The following TRPC5 variants were observed in gnomAD, a reference collection of about 807,000 sequenced individuals.
The protein encoded by TRPC5 is short transient receptor potential channel 5.
Under a neutral mutation model 56.5 loss-of-function variants are expected in TRPC5, and 9 were observed. The observed-to-expected ratio is 0.16, with a 90% confidence interval of 0.10 to 0.28. TRPC5 has a LOEUF of 0.28. Among genes scored for constraint, TRPC5 ranks in the 10% least tolerant of loss-of-function variants. TRPC5 has a pLI of 1.00. For missense variants in TRPC5, 469 were observed against 748.9 expected (o/e 0.63, Z 4.36); for synonymous variants, 282 against 278.5 (o/e 1.01, Z -0.13).
intron 6 of TRPC5, among the ~76,000 whole-genome samples, chrX:111,837,916 A>AG (rs1453145392): frequency 1.9e-5 from 2 of 106,195 alleles, no homozygotes; most frequent in African/African-American, 6.9e-5. Context: ...CAAAAAAAAA[A>AG]AAAAAAAAAG....
At chrX:111,831,125 C>G (rs903182692) in intron 7 of TRPC5, among the ~76,000 whole-genome samples, 2 of 112,229 alleles carry the variant, frequency 1.8e-5, no homozygotes, top group Non-Finnish European at 3.8e-5. Flanking sequence ...GGAGCAGGGT[C>G]CTAGATTCTA....
At position 111,835,025 on chromosome X, in the gene TRPC5, C is replaced by T; in HGVS notation, c.1792G>A (p.Glu598Lys). The T allele has an allele frequency of 8.3e-7, 1 of 1,210,998 alleles. No homozygotes were observed. The highest frequency in any genetic ancestry group is 1.8e-5 in the South Asian group (1 of 56,918). ...CCAAACATGGTAGCTCCTACAAACT[C>T]GGTGAATTCGTGTCTGGCTTTCACA... ...TNVKARHEFT[E>K]FVGATMFGTY... The change falls in exon 7 of 11, where the codon GAG becomes AAG. Residue 598 changes from glutamate (E) to lysine (K), a missense_variant. Transcript: ENST00000262839.
intron 1 of TRPC5, among the ~76,000 whole-genome samples, chrX:112,078,957 C>G (rs1930900103): frequency 9.0e-6 from 1 of 111,535 alleles, no homozygotes; most frequent in Non-Finnish European, 1.9e-5. Context: ...CTGGCCTTAG[C>G]TTATCCCTCA....
chrX:111,895,007 C>A (rs1924996038), intron 3 of TRPC5, among the ~76,000 whole-genome samples: 1 of 110,907 alleles, frequency 9.0e-6, no homozygotes, highest in African/African-American at 3.3e-5. Flanking sequence ...CATTCTTGTG[C>A]CTGTATCTTG....
chrX:111,802,079 A>G (rs1488731687), intron 7 of TRPC5, among the ~76,000 whole-genome samples: 1 of 111,543 alleles, frequency 9.0e-6, no homozygotes, highest in Non-Finnish European at 1.9e-5. Flanking sequence ...GCCTTACTTT[A>G]CTCTTTTGCA....
chrX:111,913,538 A>AT (rs1925882005), intron 2 of TRPC5, among the ~76,000 whole-genome samples: 2 of 111,431 alleles, frequency 1.8e-5, no homozygotes, highest in Non-Finnish European at 3.8e-5. Flanking sequence ...TAAAACTGCT[A>AT]TGTCCATGAT....
chrX:112,005,165 A>G (rs1603141476), intron 1 of TRPC5, among the ~76,000 whole-genome samples: 1 of 111,387 alleles, frequency 9.0e-6, no homozygotes. Flanking sequence ...TTGCAGGGAC[A>G]TGGATAGAGC....
intron 2 of TRPC5, among the ~76,000 whole-genome samples, chrX:111,932,789 A>G (rs929081124): frequency 3.6e-5 from 4 of 111,993 alleles, no homozygotes; most frequent in Admixed American, 2.8e-4. Context: ...CAGATTTAGT[A>G]CCGACCTAGC....
rs1332069601 is a variant in TRPC5, at chrX:111,776,697, A to C, written c.2538T>G (p.Gly846=). 1 of 1,211,621 alleles carries C rather than the reference A, an allele frequency of 8.3e-7. No individual in the cohort carries two copies. Among genetic ancestry groups the C allele is most frequent in the South Asian group, 1.8e-5 (1 of 56,949 alleles). Reference sequence around the variant, plus strand: ...GACCATTAAATTTGGAGAATAGGAGACCCAGTTTCTTGAGAGAAGGACCCA... The same window carrying C: ...GACCATTAAATTTGGAGAATAGGAGCCCCAGTTTCTTGAGAGAAGGACCCA... ...SFMGPSLKKL[G]LLFSKFNGHM... is the part of the protein sequence containing the mutation. Residue 846 remains glycine, a synonymous_variant, in exon 11 of 11, where the codon GGT becomes GGG. Coordinates refer to ENST00000262839, the MANE Select transcript of TRPC5 (RefSeq NM_012471.3).
chrX:111,783,807 G>A (rs1945939119), intron 7 of TRPC5, among the ~76,000 whole-genome samples: 3 of 110,784 alleles, frequency 2.7e-5, no homozygotes, highest in Admixed American at 9.7e-5. Flanking sequence ...TTTTTTCATA[G>A]ATTGTGCTTT....
chrX:111,937,320 T>C (rs1434953740), intron 2 of TRPC5, among the ~76,000 whole-genome samples: 1 of 102,817 alleles, frequency 9.7e-6, no homozygotes, highest in Non-Finnish European at 2.0e-5. Context: ...TGGTAGTTTC[T>C]TTTGCTGTGC....
intron 7 of TRPC5, among the ~76,000 whole-genome samples, chrX:111,831,136 G>A (rs764858937): frequency 1.1e-4 from 12 of 112,480 alleles, no homozygotes; most frequent in Non-Finnish European, 2.1e-4. Context: ...CTAGATTCTA[G>A]CAGCTGTTCC....
chrX:112,028,351 G>A (rs776923226), intron 1 of TRPC5, among the ~76,000 whole-genome samples: 6 of 110,697 alleles, frequency 5.4e-5, no homozygotes, highest in Non-Finnish European at 9.4e-5. Flanking sequence ...AGGTATACAT[G>A]TGCCATGTTG....
intron 2 of TRPC5, among the ~76,000 whole-genome samples, chrX:111,944,544 T>C (rs776014110): frequency 9.0e-6 from 1 of 111,242 alleles, no homozygotes; most frequent in African/African-American, 3.3e-5. Context: ...GTCTTAACTC[T>C]TGGTACTTGT....
At chrX:111,952,492 C>A in intron 1 of TRPC5, 51 bp from the exon 2 acceptor site, 1 of 1,112,216 alleles carries the variant, frequency 9.0e-7, no homozygotes, top group Non-Finnish European at 1.2e-6. Context: ...ACGTGGAGGT[C>A]TCAAGTGGCC....
chrX:111,909,126 A>T (rs1366089725), intron 3 of TRPC5, among the ~76,000 whole-genome samples: 30 of 89,738 alleles, frequency 3.3e-4, no homozygotes, highest in African/African-American at 1.1e-3. Context: ...TCTACTAAAA[A>T]TAAATAAATA....
chrX:112,008,329 T>C (rs1481373340), intron 1 of TRPC5, among the ~76,000 whole-genome samples: 2 of 111,890 alleles, frequency 1.8e-5, no homozygotes, highest in African/African-American at 6.5e-5. Context: ...CGGTGGCTCA[T>C]GCCTGTAATC....
chrX:111,942,358 G>A (rs1926804821), intron 2 of TRPC5, among the ~76,000 whole-genome samples: 1 of 112,147 alleles, frequency 8.9e-6, no homozygotes, highest in Non-Finnish European at 1.9e-5. Context: ...ATCATTTGCT[G>A]AAACTCTGTC....
rs980846370 is a variant in TRPC5, at chrX:111,852,517, A to C, written c.1238-80T>G. 5.9e-6 allele frequency: 6 copies of C among 1,021,792 alleles called. 1 individual carries two copies. In the Admixed American group the frequency reaches 1.3e-4, roughly 21 times the overall value. 84.2% of individuals were successfully genotyped at this position (1,021,792 alleles called of 1,213,427 possible). ...TAGAAGGATTCCCCCCTCCAGGTGA[A>C]TAAGGATGAAATTAAGGAATGAATT... On this transcript the variant is annotated intron_variant, in intron 4 of 10. Transcript: ENST00000262839.
Sources: allele counts gnomAD v4.1 joint callset (sites outside exome capture counted in the v4.1 genomes callset), GRCh38; gene constraint gnomAD v4.1.1; transcripts MANE v1.5; gene names NCBI Gene and HGNC (gene_info 2026-07-23, HGNC 2026-07-21).